The following POC1B variants were observed in gnomAD, a reference collection of about 807,000 sequenced individuals.
POC1B encodes POC1 centriolar protein homolog B.
Under a neutral mutation model 60.6 loss-of-function variants are expected in POC1B, and 44 were observed. The ratio of observed to expected loss-of-function variants is 0.73; its 90% CI spans 0.57 to 0.93. The LOEUF (loss-of-function observed/expected upper bound fraction) is 0.93, where lower values mean the gene tolerates loss of function less well. Among genes scored for constraint, POC1B ranks in the 40% least tolerant of loss-of-function variants. The pLI is 0.00. For missense variants in POC1B, 555 were observed against 572.3 expected, an observed-to-expected ratio of 0.97 and a Z score of 0.31; for synonymous variants, 180 against 198.9, an observed-to-expected ratio of 0.90 and a Z score of 0.80.
At chr12:89,509,947 G>A (rs745564764) in intron 2 of POC1B, among the ~76,000 whole-genome samples, 1 of 152,182 alleles carries the variant, frequency 6.6e-6, no homozygotes, top group Non-Finnish European at 1.5e-5. Context: ...CCGGGTTCAA[G>A]TGATTCTTGT....
rs899189642 is a variant in POC1B, at chr12:89,440,924, C to T, written c.1114-15545G>A. ...TCAGGACACTCCCACCCTAATACTGCGCTTTTCCAATGGTCTTAGCAAACA... is the reference window on the plus strand; with the variant it reads ...TCAGGACACTCCCACCCTAATACTGTGCTTTTCCAATGGTCTTAGCAAACA... On this transcript the variant is annotated intron_variant, in intron 10 of 11. Transcript: ENST00000313546. Among the ~76,000 whole-genome samples, 9 of 152,336 alleles carry T rather than the reference C, an allele frequency of 5.9e-5. No individual in the cohort carries two copies. The South Asian group carries it at 6.2e-4, about 11-fold the overall frequency.
At chr12:89,469,956 C>T (rs578153966) in intron 7 of POC1B, among the ~76,000 whole-genome samples, 23 of 152,162 alleles carry the variant, frequency 1.5e-4, no homozygotes, top group South Asian at 6.2e-4. Flanking sequence ...CAGCCTCCCC[C>T]TCCTGGGTTC....
intron 4 of POC1B, among the ~76,000 whole-genome samples, chr12:89,473,122 CAA>C (rs1464005485): frequency 6.6e-6 from 1 of 151,748 alleles, no homozygotes; most frequent in East Asian, 1.9e-4. Flanking sequence ...TAACAAAAAC[CAA>C]AAAAGACAGA....
intron 2 of POC1B, chr12:89,521,563 A>C (rs924559862): frequency 3.2e-5 from 5 of 156,402 alleles, no homozygotes; most frequent in Non-Finnish European, 7.0e-5. Context: ...TATACTGTAC[A>C]ATCAGCATTT....
chr12:89,454,380 C>T (rs1255703003), intron 10 of POC1B, among the ~76,000 whole-genome samples: 1 of 152,184 alleles, frequency 6.6e-6, no homozygotes, highest in Non-Finnish European at 1.5e-5. Flanking sequence ...TATTGCCTCC[C>T]GTCTGAGTAT....
chr12:89,503,385 G>A (rs980550541), intron 2 of POC1B, among the ~76,000 whole-genome samples: 10 of 152,248 alleles, frequency 6.6e-5, no homozygotes, highest in Non-Finnish European at 1.3e-4. Context: ...CCGAGGTGCC[G>A]GGATTGCAGA....
At chr12:89,469,326 C>T (rs746854846) in intron 7 of POC1B, among the ~76,000 whole-genome samples, 1 of 151,974 alleles carries the variant, frequency 6.6e-6, no homozygotes, top group Non-Finnish European at 1.5e-5. Flanking sequence ...TGAACAGGCT[C>T]AATAAAAGGC....
At chr12:89,487,632 T>C (rs542806206) in intron 4 of POC1B, among the ~76,000 whole-genome samples, 58 of 152,298 alleles carry the variant, frequency 3.8e-4, no homozygotes, top group African/African-American at 1.3e-3. Context: ...ATTGGATAGT[T>C]TTGTCCCATA....
At chr12:89,460,212 T>C (rs998533530) in intron 9 of POC1B, among the ~76,000 whole-genome samples, 1 of 152,148 alleles carries the variant, frequency 6.6e-6, no homozygotes, top group Non-Finnish European at 1.5e-5. Flanking sequence ...TTCTGCATTC[T>C]AGCACACAGT....
Position 89,492,034 on chromosome 12 carries a change from A to G in POC1B, c.354T>C (p.Ala118=), listed in dbSNP as rs775639038. 1.2e-6 allele frequency: 2 copies of G among 1,609,890 alleles called. No individual in the cohort carries two copies. Among genetic ancestry groups the G allele is most frequent in the Non-Finnish European group, 8.5e-7 (1 of 1,178,738 alleles). ...VDFSADGQFL[A]TASEDKSIKV... Reference sequence around the variant, plus strand: ...TTATGGATTTGTCTTCAGAAGCTGTAGCTAGAAACTGGCCATCAGCTGAAA... The same window carrying G: ...TTATGGATTTGTCTTCAGAAGCTGTGGCTAGAAACTGGCCATCAGCTGAAA... The change falls in exon 4 of 12, where the codon GCT becomes GCC. Residue 118 remains alanine (A), a synonymous_variant. Coordinates refer to ENST00000313546, the MANE Select transcript of POC1B (RefSeq NM_172240.3).
rs35166321 is a variant in POC1B, at chr12:89,459,610, C to CAA, written c.1113+26_1113+27dup. On this transcript the variant is annotated intron_variant, in intron 10 of 11. Transcript: ENST00000313546. Reference sequence around the variant, plus strand: ...AAATGATTAAATGCCACTTAAGTGTCAAAAAAAAAAAAAAAAACCCGACTT... The same window carrying CAA: ...AAATGATTAAATGCCACTTAAGTGTCAAAAAAAAAAAAAAAAAAACCCGACTT... The CAA allele has an allele frequency of 0.12, 100,656 of 867,448 alleles. 1,411 individuals are homozygous for CAA. Among genetic ancestry groups the CAA allele is most frequent in the African/African-American group, 0.13 (5,999 of 45,436 alleles). The allele number at this position is 867,448 out of a possible 1,614,324, so 53.7% of individuals were successfully genotyped here.
At position 89,466,867 on chromosome 12, in the gene POC1B, C is replaced by A. The variant is rs773745821; in HGVS notation, c.935G>T (p.Arg312Ile). ...ATCAAAATGTAATCTTTTGAGATTT[C>A]TTTTGGTAAGACCTTTACAATGCAA... ...DELHCKGLTK[R>I]NLKRLHFDSP... The change falls in exon 9 of 12, where the codon AGA becomes ATA. Residue 312 changes from arginine to isoleucine, a missense_variant. Transcript: ENST00000313546. 6.2e-7 allele frequency: 1 copy of A among 1,613,030 alleles called. No individual in the cohort carries two copies. The highest frequency in any genetic ancestry group is 2.2e-5 in the East Asian group (1 of 44,776).
intron 2 of POC1B, among the ~76,000 whole-genome samples, chr12:89,514,231 C>T (rs971033150): frequency 6.6e-6 from 1 of 151,882 alleles, no homozygotes; most frequent in Non-Finnish European, 1.5e-5. Context: ...ATAGCACCTC[C>T]CCTTCTCTTC....
chr12:89,470,235 T>A (rs1882835459), intron 7 of POC1B, 126 bp downstream of exon 7: 1 of 500,980 alleles, frequency 2.0e-6, no homozygotes, highest in East Asian at 7.5e-5. Flanking sequence ...AAAAAAATTT[T>A]ATGATAGCAG....
intron 4 of POC1B, among the ~76,000 whole-genome samples, chr12:89,490,583 G>A (rs1303372642): frequency 1.3e-5 from 2 of 152,154 alleles, no homozygotes; most frequent in African/African-American, 2.4e-5. Context: ...GACCTCAAGT[G>A]ATCCACCCAC....
intron 4 of POC1B, among the ~76,000 whole-genome samples, chr12:89,478,744 T>C (rs1444082311): frequency 6.6e-6 from 1 of 152,178 alleles, no homozygotes; most frequent in Non-Finnish European, 1.5e-5. Flanking sequence ...TTTACCACAA[T>C]TTCACAAAAT....
chr12:89,502,597 C>A, intron 2 of POC1B: 1 of 1,256,086 alleles, frequency 8.0e-7, no homozygotes, highest in Non-Finnish European at 1.2e-6. Context: ...TGGTAAAGGA[C>A]CCAGAAACAA....
rs374538479 is a variant in POC1B, at chr12:89,488,640, C to T, written c.452+3296G>A. On this transcript the variant is annotated intron_variant, in intron 4 of 11. Coordinates refer to ENST00000313546, the MANE Select transcript of POC1B (RefSeq NM_172240.3). ...TAGCTGGGATTACAGGCACCTGCCACCACGCCCAGCTAATTTTTGTATTTT... is the reference window on the plus strand; with the variant it reads ...TAGCTGGGATTACAGGCACCTGCCATCACGCCCAGCTAATTTTTGTATTTT... 6.1e-4 allele frequency among the ~76,000 whole-genome samples: 93 copies of T among 152,230 alleles called. No individual in the cohort carries two copies. The South Asian group carries it at 8.7e-3, about 14-fold the overall frequency.
intron 10 of POC1B, among the ~76,000 whole-genome samples, chr12:89,434,292 C>T (rs1881160897): frequency 6.6e-6 from 1 of 152,186 alleles, no homozygotes; most frequent in South Asian, 2.1e-4. Context: ...TATCAGAAGA[C>T]TTGAAAAATA....
Sources: gnomAD v4.1 joint callset for allele counts (sites outside exome capture counted in the v4.1 genomes callset) on GRCh38, gnomAD v4.1.1 for gene constraint, MANE v1.5 for transcripts, NCBI Gene and HGNC (gene_info 2026-07-23, HGNC 2026-07-21) for gene names.